The following RYR2 variants were observed in gnomAD, a reference collection of about 807,000 sequenced individuals.
RYR2 encodes ryanodine receptor 2.
RYR2 carries 227 observed loss-of-function variants against 601.1 expected under a neutral mutation model. The observed-to-expected ratio is 0.38, with a 90% CI of 0.34 to 0.42. The LOEUF (loss-of-function observed/expected upper bound fraction) is 0.42. Ranked by LOEUF, RYR2 falls within the 10% of genes least tolerant of loss-of-function variation. RYR2 has a pLI of 1.00. For missense variants in RYR2, 4,646 were observed against 6,156.5 expected (o/e 0.75, Z 8.21); for synonymous variants, 2,223 against 2,175.1 (o/e 1.02, Z -0.61).
At chr1:237,379,300 A>G (rs911698921) in intron 8 of RYR2, among the ~76,000 whole-genome samples, 10 of 152,210 alleles carry the variant, frequency 6.6e-5, no homozygotes, top group Non-Finnish European at 1.2e-4. Flanking sequence ...TATGCACTGA[A>G]AAATGGAAAA....
chr1:237,194,535 C>G (rs1345449631), intron 1 of RYR2, among the ~76,000 whole-genome samples: 1 of 152,076 alleles, frequency 6.6e-6, no homozygotes, highest in Non-Finnish European at 1.5e-5. Flanking sequence ...CGGGAGGGCC[C>G]AGAGCACTAG....
At chr1:237,163,223 T>C (rs1385823690) in intron 1 of RYR2, among the ~76,000 whole-genome samples, 1 of 152,190 alleles carries the variant, frequency 6.6e-6, no homozygotes, top group Admixed American at 6.5e-5. Context: ...CATGCAGTGT[T>C]AACCAGCAGT....
intron 1 of RYR2, among the ~76,000 whole-genome samples, chr1:237,046,337 AG>A (rs1029992952): frequency 3.3e-5 from 5 of 152,184 alleles, no homozygotes; most frequent in African/African-American, 9.6e-5. Context: ...CAGGAGAGAA[AG>A]GCTTCTTTAT....
intron 79 of RYR2, among the ~76,000 whole-genome samples, chr1:237,741,447 A>C (rs1691599350): frequency 6.6e-6 from 1 of 152,138 alleles, no homozygotes; most frequent in Non-Finnish European, 1.5e-5. Context: ...AATACGTGTA[A>C]GGGTTGGAAC....
chr1:237,532,785 T>C (rs1293511942), intron 25 of RYR2, among the ~76,000 whole-genome samples: 1 of 152,172 alleles, frequency 6.6e-6, no homozygotes, highest in Non-Finnish European at 1.5e-5. Flanking sequence ...ATTCAACTTA[T>C]TTCATGTATA....
chr1:237,419,087 G>T (rs1039608370), intron 11 of RYR2, among the ~76,000 whole-genome samples: 7 of 151,870 alleles, frequency 4.6e-5, no homozygotes, highest in Non-Finnish European at 8.8e-5. Context: ...GTAAAGAAGT[G>T]TTTATACAAA....
intron 13 of RYR2, among the ~76,000 whole-genome samples, chr1:237,441,775 G>T (rs530635710): frequency 6.6e-6 from 1 of 151,988 alleles, no homozygotes; most frequent in African/African-American, 2.4e-5. Context: ...TGTCCTCCAT[G>T]CTGTGACAAA....
rs1003493060 is a variant in RYR2, at chr1:237,305,748, A to G, written c.169-25130A>G. Among the ~76,000 whole-genome samples the G allele has an allele frequency of 3.9e-5, 6 of 152,196 alleles. No homozygotes were observed. In the East Asian group the frequency reaches 9.6e-4, roughly 24 times the overall value. On this transcript the variant is annotated intron_variant, in intron 2 of 104. Coordinates refer to ENST00000366574, the MANE Select transcript of RYR2 (RefSeq NM_001035.3). ...TGCCCAGCCAACAAATTTAAATAAC[A>G]TACTGTGTAGGTCTACATAAATTTG...
In RYR2 at chr1:237,820,228, T is replaced by C. The variant is rs1458231782; in HGVS notation, c.14590+1036T>C. On this transcript the variant is annotated intron_variant, in intron 101 of 104. Transcript: ENST00000366574. ...AAAAAGGTGGGGGAGGGAGGGTAGC[T>C]GGCAAGATGGCCAAATAGGAACAGC... is the stretch of plus-strand genomic sequence containing the variant. Among the ~76,000 whole-genome samples, 8 of 149,954 alleles carry C rather than the reference T, an allele frequency of 5.3e-5. No individual in the cohort carries two copies. The East Asian group carries it at 7.9e-4, about 15-fold the overall frequency.
rs1410060023 is a variant in RYR2 at position 237,674,131 on chromosome 1, A to G, written c.8626A>G (p.Thr2876Ala). The G allele has an allele frequency of 1.2e-6, 2 of 1,612,054 alleles. No homozygotes were observed. Residue 2876 changes from threonine to alanine, a missense_variant, in exon 59 of 105, where the codon ACA (threonine) becomes GCA (alanine). By Grantham distance (58) the Thr-to-Ala change is moderately conservative. This residue lies in a region of RYR2 where 1,497 missense variants were observed against 1,842.6 expected (regional missense o/e 0.81). Transcript: ENST00000366574. ...GNHPLLVPYDTLTAKEKAKDR... is the reference protein window; with the variant it reads ...GNHPLLVPYDALTAKEKAKDR... Reference sequence around the variant, plus strand: ...CCATCCTCTGCTGGTGCCCTATGATACACTGACAGCCAAAGAGAAAGCCAA... The same window carrying G: ...CCATCCTCTGCTGGTGCCCTATGATGCACTGACAGCCAAAGAGAAAGCCAA...
intron 80 of RYR2, among the ~76,000 whole-genome samples, chr1:237,752,898 T>C (rs965775962): frequency 6.6e-6 from 1 of 152,224 alleles, no homozygotes; most frequent in African/African-American, 2.4e-5. Flanking sequence ...ATATTTCTAT[T>C]CTCTTATAAC....
intron 12 of RYR2, among the ~76,000 whole-genome samples, chr1:237,427,032 G>T (rs1706241747): frequency 6.6e-6 from 1 of 152,052 alleles, no homozygotes; most frequent in African/African-American, 2.4e-5. Flanking sequence ...CTCAAGTAAT[G>T]GAAGCATAAA....
chr1:237,438,913 A>G (rs550478985), intron 12 of RYR2, among the ~76,000 whole-genome samples: 3 of 152,382 alleles, frequency 2.0e-5, no homozygotes, highest in African/African-American at 4.8e-5. Flanking sequence ...AATAGTTTCT[A>G]TAGGAGAATT....
chr1:237,538,477 G>T (rs972139109), intron 25 of RYR2, among the ~76,000 whole-genome samples: 1 of 81,444 alleles, frequency 1.2e-5, no homozygotes, highest in Non-Finnish European at 2.9e-5. Flanking sequence ...GGTGTTTAAA[G>T]AAGTTTTTTT....
intron 3 of RYR2, among the ~76,000 whole-genome samples, chr1:237,350,762 A>T (rs969840459): frequency 1.3e-5 from 2 of 151,312 alleles, no homozygotes; most frequent in South Asian, 4.2e-4. Flanking sequence ...GAATCTAATG[A>T]TATAGCTTTC....
chr1:237,456,231 G>T (rs1266239445), intron 15 of RYR2, among the ~76,000 whole-genome samples: 1 of 152,024 alleles, frequency 6.6e-6, no homozygotes, highest in Non-Finnish European at 1.5e-5. Flanking sequence ...ATCTTTTCAT[G>T]AGCTTTACCT....
chr1:237,746,940 A>G (rs1692131923), intron 80 of RYR2, among the ~76,000 whole-genome samples: 1 of 152,170 alleles, frequency 6.6e-6, no homozygotes, highest in South Asian at 2.1e-4. Flanking sequence ...TCAACAAAGA[A>G]CTTTGATACT....
intron 1 of RYR2, among the ~76,000 whole-genome samples, chr1:237,089,484 C>T (rs1243612533): frequency 6.6e-6 from 1 of 152,046 alleles, no homozygotes; most frequent in Non-Finnish European, 1.5e-5. Flanking sequence ...TAAGAGGTAA[C>T]CATCTAGCCA....
chr1:237,126,929 T>C (rs1291719967), intron 1 of RYR2, among the ~76,000 whole-genome samples: 70 of 151,922 alleles, frequency 4.6e-4, no homozygotes, highest in Non-Finnish European at 7.7e-4. Context: ...GAGGACCCTG[T>C]GGCCTTCCGC....
Sources: allele counts gnomAD v4.1 joint callset (sites outside exome capture counted in the v4.1 genomes callset), GRCh38; gene constraint gnomAD v4.1.1; regional missense constraint gnomAD v4.1.1; transcripts MANE v1.5; gene names NCBI Gene and HGNC (gene_info 2026-07-23, HGNC 2026-07-21).